Variants in CCNY observed in about 807,000 individuals in gnomAD.
CCNY encodes the protein cyclin Y, also known as cyclin-Y.
In CCNY, 19 loss-of-function variants were observed where a neutral mutation model predicts 42.8. The ratio of observed to expected loss-of-function variants is 0.44; its 90% CI spans 0.31 to 0.65. The LOEUF (loss-of-function observed/expected upper bound fraction) is 0.65. Ranked by LOEUF, CCNY falls within the 30% of genes least tolerant of loss-of-function variation. The pLI is 0.07. For missense variants in CCNY, 370 were observed against 437.3 expected (o/e 0.85, Z 1.37); for synonymous variants, 165 against 162.7 (o/e 1.01, Z -0.11).
chr10:35,282,114 CTTTTTTTTT>C (rs3066487), intron 3 of CCNY, among the ~76,000 whole-genome samples: 2 of 87,884 alleles, frequency 2.3e-5, no homozygotes, highest in Non-Finnish European at 4.0e-5. Context: ...CATCTACACC[CTTTTTTTTT>C]TTTTTTTTTT....
At chr10:35,469,625 CA>C (rs934575583) in intron 1 of CCNY, among the ~76,000 whole-genome samples, 12 of 143,342 alleles carry the variant, frequency 8.4e-5, no homozygotes, top group East Asian at 6.4e-4. Context: ...GACAGATAGA[CA>C]GGGGGAGATG....
At chr10:35,391,734 G>C (rs1011864585) in intron 1 of CCNY, among the ~76,000 whole-genome samples, 7 of 152,288 alleles carry the variant, frequency 4.6e-5, no homozygotes, top group African/African-American at 1.7e-4. Context: ...TGCTTGGAAG[G>C]AGCCTGGGAT....
intron 3 of CCNY, among the ~76,000 whole-genome samples, chr10:35,314,336 A>C (rs1332437113): frequency 2.6e-5 from 4 of 152,222 alleles, no homozygotes; most frequent in Non-Finnish European, 1.5e-5. Flanking sequence ...GGTGGCAGTC[A>C]AGAGAGAATG....
At chr10:35,255,576 G>A (rs1336006980) in intron 3 of CCNY, among the ~76,000 whole-genome samples, 2 of 151,948 alleles carry the variant, frequency 1.3e-5, no homozygotes, top group Non-Finnish European at 2.9e-5. Context: ...GAGATTACAG[G>A]CATGAGCCAC....
upstream of CCNY, among the ~76,000 whole-genome samples, chr10:35,335,618 C>G (rs1406871497): frequency 6.6e-6 from 1 of 151,986 alleles, no homozygotes. Context: ...TGGGAGGAGT[C>G]CAGACGGGAG....
At chr10:35,359,831 T>G (rs1444450562) in intron 1 of CCNY, among the ~76,000 whole-genome samples, 1 of 152,200 alleles carries the variant, frequency 6.6e-6, no homozygotes, top group African/African-American at 2.4e-5. Context: ...GTGCCTAAAT[T>G]TGGACCTCAT....
intron 1 of CCNY, among the ~76,000 whole-genome samples, chr10:35,377,111 C>T (rs2135185627): frequency 6.6e-6 from 1 of 152,220 alleles, no homozygotes; most frequent in African/African-American, 2.4e-5. Context: ...CTGAAAAATT[C>T]CTATCGCTGA....
chr10:35,313,747 T>G (rs10764039), intron 3 of CCNY, among the ~76,000 whole-genome samples: 43,731 of 151,966 alleles, frequency 0.29, 6,577 homozygotes, highest in Admixed American at 0.35. Context: ...CTGAGGCAGG[T>G]GAACTGCTTG....
In CCNY at chr10:35,308,410, G is replaced by A. The variant is rs117338768; in HGVS notation, c.-9+57784G>A. Among the ~76,000 whole-genome samples the A allele has an allele frequency of 3.3e-3, 501 of 152,104 alleles. 1 individual carries two copies. Among genetic ancestry groups the A allele is most frequent in the Non-Finnish European group, 5.2e-3 (354 of 67,990 alleles). On this transcript the variant is annotated intron_variant, in intron 3 of 11. Transcript: ENST00000374706. The stretch of plus-strand genomic sequence containing the variant: ...TCAACTAAAAAGTAAAAAACAGCTG[G>A]GCATGGTAATGTGCACCTGTAGTCC...
At chr10:35,257,295 CTTTCTCTCTCTTTCTTTCTG>C in intron 3 of CCNY, among the ~76,000 whole-genome samples, 1 of 137,578 alleles carries the variant, frequency 7.3e-6, no homozygotes, top group Non-Finnish European at 1.5e-5. Context: ...TTCTCTCTCT[CTTTCTCTCTCTTTCTTTCTG>C]TTTTTTTTTT....
chr10:35,361,778 T>G (rs2135156597), intron 1 of CCNY, among the ~76,000 whole-genome samples: 1 of 152,350 alleles, frequency 6.6e-6, no homozygotes, highest in South Asian at 2.1e-4. Context: ...CACTAAATTG[T>G]AATTGTGAAA....
chr10:35,339,894 T>TC (rs775595232), intron 1 of CCNY, among the ~76,000 whole-genome samples: 1 of 152,322 alleles, frequency 6.6e-6, no homozygotes, highest in Non-Finnish European at 1.5e-5. Context: ...ACTCATGCTT[T>TC]CCAGGTATTA....
chr10:35,471,970 A>G (rs997945825), intron 1 of CCNY, among the ~76,000 whole-genome samples: 1 of 152,184 alleles, frequency 6.6e-6, no homozygotes, highest in Admixed American at 6.5e-5. Context: ...TTAAACATCA[A>G]TTTCAAGCCA....
Position 35,484,112 on chromosome 10 carries a change from T to C in CCNY, c.229+634T>C, listed in dbSNP as rs972938947. Among the ~76,000 whole-genome samples, 3 of 152,174 alleles carry C rather than the reference T, an allele frequency of 2.0e-5. No homozygotes were observed. In the East Asian group the frequency reaches 5.8e-4, roughly 29 times the overall value. On this transcript the variant is annotated intron_variant, in intron 2 of 9. Transcript: ENST00000374704. ...GAGAGAGAAGATAAAACTTATACAA[T>C]GTGGCAAACACACATCTTCATTGGA... is the stretch of plus-strand genomic sequence containing the variant.
intron 1 of CCNY, among the ~76,000 whole-genome samples, chr10:35,395,484 C>G (rs1013729006): frequency 1.3e-5 from 2 of 151,796 alleles, no homozygotes; most frequent in African/African-American, 4.8e-5. Flanking sequence ...ACTGACCCAA[C>G]GAGGATTCTT....
chr10:35,490,849 G>A (rs1564432209), intron 2 of CCNY, among the ~76,000 whole-genome samples: 1 of 152,180 alleles, frequency 6.6e-6, no homozygotes, highest in East Asian at 1.9e-4. Flanking sequence ...AGGTGTGCCT[G>A]CCTTTCTTTG....
At chr10:35,362,589 T>TA (rs1246871902) in intron 1 of CCNY, among the ~76,000 whole-genome samples, 2 of 150,866 alleles carry the variant, frequency 1.3e-5, no homozygotes, top group Admixed American at 1.3e-4. Flanking sequence ...TTTTTTTTTT[T>TA]AATTCTCCAA....
intron 1 of CCNY, among the ~76,000 whole-genome samples, chr10:35,412,295 A>G (rs1837923468): frequency 1.3e-5 from 2 of 152,208 alleles, no homozygotes; most frequent in Admixed American, 1.3e-4. Flanking sequence ...TTTAACATTT[A>G]TTGATTGCCT....
intron 2 of CCNY, among the ~76,000 whole-genome samples, chr10:35,484,642 C>T (rs890438188): frequency 1.3e-5 from 2 of 151,664 alleles, no homozygotes; most frequent in Non-Finnish European, 2.9e-5. Flanking sequence ...TGGGATAATA[C>T]AAAGGAAGGA....
Sources: gnomAD v4.1 joint callset for allele counts (sites outside exome capture counted in the v4.1 genomes callset) on GRCh38, gnomAD v4.1.1 for gene constraint, MANE v1.5 for transcripts, NCBI Gene and HGNC (gene_info 2026-07-23, HGNC 2026-07-21) for gene names.